PRDM4: variants seen among roughly 807,000 people sequenced by gnomAD.
PRDM4 encodes PR domain zinc finger protein 4.
In PRDM4, 38 loss-of-function variants were observed where a neutral mutation model predicts 62.3. The observed-to-expected ratio is 0.61, with a 90% CI of 0.47 to 0.80. The LOEUF (loss-of-function observed/expected upper bound fraction) is 0.80, where lower values mean the gene tolerates loss of function less well. PRDM4 is among the 30% of genes least tolerant of loss of function. The pLI is 0.00. For synonymous variants in PRDM4, 339 were observed against 348.2 expected (o/e 0.97, Z 0.30); for missense variants, 858 against 997.1 (o/e 0.86, Z 1.88).
chr12:107,749,185 C>T (rs372947893), intron 5 of PRDM4, among the ~76,000 whole-genome samples: 1 of 152,068 alleles, frequency 6.6e-6, no homozygotes, highest in African/African-American at 2.4e-5. Context: ...CAAATAACAT[C>T]TTAATGTTGA....
At position 107,732,876 on chromosome 12, in the gene PRDM4, T is replaced by C. The variant is rs1055759025; in HGVS notation, c.*1334A>G. 6.6e-6 allele frequency: 1 copy of C among 152,642 alleles called. No homozygotes were observed. The highest frequency in any genetic ancestry group is 1.5e-5 in the Non-Finnish European group (1 of 68,030). 9.5% of individuals were successfully genotyped at this position (152,642 alleles called of 1,614,324 possible). ...AGACTACCAGAGGAATCCTGTATTT[T>C]AAAAAAGTTTAATTTTAATCCTTCC... On this transcript the variant is annotated 3_prime_UTR_variant, in exon 12 of 12. Coordinates refer to ENST00000228437, the MANE Select transcript of PRDM4 (RefSeq NM_012406.4).
At chr12:107,744,712 T>C (rs1193491259) in intron 6 of PRDM4, 51 bp from the exon 7 acceptor site, 1 of 1,599,830 alleles carries the variant, frequency 6.3e-7, no homozygotes, top group Non-Finnish European at 8.6e-7. Flanking sequence ...AACAGCAAGA[T>C]ACAGAAGAAA....
chr12:107,748,727 A>T lies in PRDM4; in HGVS notation c.1127-2303T>A, dbSNP rs570063670. Among the ~76,000 whole-genome samples, 10 of 152,320 alleles carry T rather than the reference A, an allele frequency of 6.6e-5. No individual in the cohort carries two copies. The East Asian group carries it at 1.9e-3, about 29-fold the overall frequency. ...GGTTATGAAGTTTCTTTACCGGGTG[A>T]CTAAAATGTTTTGGAAGGAGACAGT... On this transcript the variant is annotated intron_variant, in intron 5 of 11. Coordinates refer to ENST00000228437, the MANE Select transcript of PRDM4 (RefSeq NM_012406.4).
intron 5 of PRDM4, among the ~76,000 whole-genome samples, 159 bp downstream of exon 5, chr12:107,751,256 G>C (rs1307033895): frequency 6.6e-6 from 1 of 152,174 alleles, no homozygotes; most frequent in African/African-American, 2.4e-5. Flanking sequence ...TGAAGAAAAG[G>C]CACCACATTA....
At chr12:107,738,063 C>T (rs1011878956) in intron 11 of PRDM4, 6 of 152,140 alleles carry the variant, frequency 3.9e-5, no homozygotes, top group African/African-American at 1.4e-4. Context: ...AGTCAGAGAT[C>T]AGGGTGCCAG....
intron 11 of PRDM4, 76 bp from the exon 12 acceptor site, chr12:107,734,598 C>CTGG (rs1411690745): frequency 7.9e-6 from 11 of 1,400,668 alleles, no homozygotes; most frequent in African/African-American, 1.4e-5. Flanking sequence ...TCTTCATAGC[C>CTGG]GCAGGCCTTT....
chr12:107,736,912 G>T (rs908214430), intron 11 of PRDM4: 6 of 152,264 alleles, frequency 3.9e-5, no homozygotes, highest in African/African-American at 1.4e-4. Flanking sequence ...GCCATTTAAT[G>T]AGCTGCTCAG....
rs563585595 is a variant in PRDM4 at position 107,749,027 on chromosome 12, G to A, written c.1126+2388C>T. Among the ~76,000 whole-genome samples the A allele has an allele frequency of 2.0e-5, 3 of 152,236 alleles. No homozygotes were observed. The East Asian group carries it at 5.8e-4, about 29-fold the overall frequency. ...CTAGTCTCTCCATGGGCTGGATTTT[G>A]TGGCACAGAATGGTTCTGGGCTTCC... On this transcript the variant is annotated intron_variant, in intron 5 of 11. Coordinates refer to ENST00000228437, the MANE Select transcript of PRDM4 (RefSeq NM_012406.4).
At chr12:107,739,199 G>A in intron 11 of PRDM4, 184 bp downstream of exon 11, 1 of 547,580 alleles carries the variant, frequency 1.8e-6, no homozygotes, top group Non-Finnish European at 3.1e-6. Context: ...AATCTTCCAG[G>A]ATAACACCAA....
In PRDM4 at chr12:107,734,378, G is replaced by C; in HGVS notation, c.2238C>G (p.Thr746=). The C allele has an allele frequency of 5.6e-6, 9 of 1,614,146 alleles. No individual in the cohort carries two copies. Among genetic ancestry groups the C allele is most frequent in the Non-Finnish European group, 6.8e-6 (8 of 1,180,022 alleles). The change falls in exon 12 of 12, where the codon ACC becomes ACG. Residue 746 remains threonine, a synonymous_variant. Transcript: ENST00000228437. ...TKAYLTKYHL[T]RHLKTCKGPT... is the part of the protein sequence containing the mutation. The stretch of plus-strand genomic sequence containing the variant: ...GCCCTTTGCAGGTTTTCAGGTGGCG[G>C]GTGAGATGGTATTTGGTTAGATAAG...
rs760382379 is a variant in PRDM4, at chr12:107,751,900, G to A, written c.641C>T (p.Thr214Met). Residue 214 changes from threonine (T) to methionine (M), a missense_variant, in exon 5 of 12, where the codon ACG (threonine) becomes ATG (methionine). Physicochemically the swap from Thr to Met is moderately conservative, Grantham distance 81. Around this residue, in one of 3 missense-constraint regions of PRDM4, gnomAD observed 499 missense variants for 546.7 expected, o/e 0.91. Transcript: ENST00000228437. ...ATGCTCGCCTGCAACACCGTCCATCGTAAGCTCCTCTGCCATTCCATCTGT... is the reference window on the plus strand; with the variant it reads ...ATGCTCGCCTGCAACACCGTCCATCATAAGCTCCTCTGCCATTCCATCTGT... Reference protein sequence around the residue: ...ISTDGMAEELTMDGVAGEHSQ... With the variant: ...ISTDGMAEELMMDGVAGEHSQ... The A allele has an allele frequency of 8.7e-6, 14 of 1,614,086 alleles. No individual in the cohort carries two copies. Among genetic ancestry groups the A allele is most frequent in the African/African-American group, 5.3e-5 (4 of 74,928 alleles).
At chr12:107,737,190 A>AG (rs889855031) in intron 11 of PRDM4, among the ~76,000 whole-genome samples, 4 of 151,806 alleles carry the variant, frequency 2.6e-5, no homozygotes, top group East Asian at 1.9e-4. Context: ...GGGGGACACT[A>AG]GGGGGGGAAC....
chr12:107,757,279 AGT>A (rs1891094115), intron 2 of PRDM4, among the ~76,000 whole-genome samples: 1 of 152,136 alleles, frequency 6.6e-6, no homozygotes, highest in Admixed American at 6.5e-5. Flanking sequence ...TGGCAATGAC[AGT>A]TTTTTTTTAA....
chr12:107,746,354 G>A lies in PRDM4; in HGVS notation c.1197C>T (p.Asp399=), dbSNP rs1380562929. Residue 399 remains aspartate, a synonymous_variant, in exon 6 of 12, where the codon GAC becomes GAT. Transcript: ENST00000228437. Reference sequence around the variant, plus strand: ...GCCTTGCTCTGCTCTCTATTGGAGTGTCAGGAACAAAAGTCACTGGTCCAT... The same window carrying A: ...GCCTTGCTCTGCTCTCTATTGGAGTATCAGGAACAAAAGTCACTGGTCCAT... ...PEHGPVTFVP[D]TPIESRARLS... is the part of the protein sequence containing the mutation. 5 of 1,613,722 alleles carry A rather than the reference G, an allele frequency of 3.1e-6. No homozygotes were observed. Among genetic ancestry groups the A allele is most frequent in the Non-Finnish European group, 4.2e-6 (5 of 1,179,846 alleles).
intron 11 of PRDM4, chr12:107,736,539 C>G (rs1890333327): frequency 6.6e-6 from 1 of 152,228 alleles, no homozygotes; most frequent in Non-Finnish European, 1.5e-5. Context: ...GAGAGGTAGC[C>G]AAGTACTATT....
chr12:107,751,978 A>T lies in PRDM4; in HGVS notation c.563T>A (p.Leu188Ter). The change falls in exon 5 of 12, where the codon TTG becomes TAG. Residue 188 changes from leucine (L) to a stop codon, truncating the protein, a stop_gained. Coordinates refer to ENST00000228437, the MANE Select transcript of PRDM4 (RefSeq NM_012406.4). LOFTEE classifies it high-confidence loss of function. The part of the protein sequence containing the change: ...LHPSDGHEVA[L>*]DTAITMENVS... ...GTTCTCCATAGTGATTGCTGTGTCC[A>T]AGGCCACCTCATGGCCATCACTGGG... is the stretch of plus-strand genomic sequence containing the variant. The T allele has an allele frequency of 6.2e-7, 1 of 1,614,254 alleles. No homozygotes were observed. The highest frequency in any genetic ancestry group is 8.5e-7 in the Non-Finnish European group (1 of 1,180,042).
intron 2 of PRDM4, chr12:107,760,056 G>A (rs1276397702): frequency 6.5e-6 from 1 of 153,344 alleles, no homozygotes; most frequent in East Asian, 1.9e-4. Context: ...GCCTTTGAAA[G>A]GGCCTTGAAA....
At chr12:107,752,617 A>G (rs1410812744) in intron 4 of PRDM4, among the ~76,000 whole-genome samples, 1 of 151,940 alleles carries the variant, frequency 6.6e-6, no homozygotes, top group East Asian at 1.9e-4. Flanking sequence ...CTATCATAAC[A>G]CAAACTATTT....
rs1300844423 is a variant in PRDM4, at chr12:107,751,516, T to C, written c.1025A>G (p.His342Arg). ...AAGACTGTCTGAAGATACATCTACA[T>C]GACCTGTCCCCATAGCAACCTCCTG... ...ITQEVAMGTG[H>R]VDVSSDSLSF... Residue 342 changes from histidine (H) to arginine (R), a missense_variant, in exon 5 of 12, where the codon CAT becomes CGT. Coordinates refer to ENST00000228437, the MANE Select transcript of PRDM4 (RefSeq NM_012406.4). 2.2e-5 allele frequency: 36 copies of C among 1,613,066 alleles called. No individual in the cohort carries two copies. Among genetic ancestry groups the C allele is most frequent in the Non-Finnish European group, 3.0e-5 (35 of 1,179,004 alleles).
Sources: gnomAD v4.1 joint callset for allele counts (sites outside exome capture counted in the v4.1 genomes callset) on GRCh38, gnomAD v4.1.1 for gene constraint, gnomAD v4.1.1 regional missense constraint, MANE v1.5 for transcripts, NCBI Gene and HGNC (gene_info 2026-07-23, HGNC 2026-07-21) for gene names.